The following PCDHGA5 variants were observed in gnomAD, a reference collection of about 807,000 sequenced individuals.
PCDHGA5 encodes protocadherin gamma subfamily A, 5.
PCDHGA5 carries 36 observed loss-of-function variants against 56.7 expected under a neutral mutation model. The observed-to-expected ratio is 0.64, with a 90% CI of 0.49 to 0.84. PCDHGA5 has a LOEUF of 0.84. Ranked by LOEUF, PCDHGA5 falls within the 40% of genes least tolerant of loss-of-function variation. The pLI is 0.00. For synonymous variants in PCDHGA5, 563 were observed against 520.2 expected, an observed-to-expected ratio of 1.08 and a Z score of -1.12; for missense variants, 1,305 against 1,201.5, an observed-to-expected ratio of 1.09 and a Z score of -1.27.
chr5:141,401,770 T>C (rs975272408), intron 1 of PCDHGA5, among the ~76,000 whole-genome samples: 2 of 152,202 alleles, frequency 1.3e-5, no homozygotes, highest in African/African-American at 4.8e-5. Context: ...TATAAGTCTT[T>C]TGCTTGGTTT....
intron 1 of PCDHGA5, chr5:141,411,753 A>G (rs1006054735): frequency 6.5e-5 from 10 of 152,756 alleles, no homozygotes; most frequent in African/African-American, 2.4e-4. Context: ...GTGGTGGCAC[A>G]TGCCTGTGGT....
In PCDHGA5 at chr5:141,487,568, C is replaced by T. The variant is rs752378906; in HGVS notation, c.2422-7239C>T. Reference sequence around the variant, plus strand: ...ACCCAGTGCACCTATGGCAGGGGAGCCTGTTCGCCCAAGCTGCCCACCCTC... The same window carrying T: ...ACCCAGTGCACCTATGGCAGGGGAGTCTGTTCGCCCAAGCTGCCCACCCTC... On this transcript the variant is annotated intron_variant, in intron 1 of 3. Transcript: ENST00000518069. This position sits in a 1 kb window ranked among gnomAD's most constrained non-coding sequence, Gnocchi z 5.0. The T allele has an allele frequency of 1.2e-6, 2 of 1,614,180 alleles. No individual in the cohort carries two copies. The highest frequency in any genetic ancestry group is 1.7e-6 in the Non-Finnish European group (2 of 1,180,042).
At chr5:141,444,152 A>ATTTTTTTTTTTT (rs747671382) in intron 1 of PCDHGA5, among the ~76,000 whole-genome samples, 4 of 33,898 alleles carry the variant, frequency 1.2e-4, no homozygotes, top group Admixed American at 3.9e-4. Flanking sequence ...TGTGTACTGG[A>ATTTTTTTTTTTT]TTTTTTTTTT....
At position 141,448,827 on chromosome 5, in the gene PCDHGA5, C is replaced by T. The variant is rs540550537; in HGVS notation, c.2422-45980C>T. ...AGGCGTGATGGCGGGCGCCTGTAGT[C>T]CCAGCTACTCTGGAGGCTGAGGCAG... On this transcript the variant is annotated intron_variant, in intron 1 of 3. Transcript: ENST00000518069. Among the ~76,000 whole-genome samples the T allele has an allele frequency of 1.6e-4, 25 of 152,108 alleles. No homozygotes were observed. In the South Asian group the frequency reaches 4.2e-3, roughly 25 times the overall value.
At chr5:141,390,019 G>GCCTGCGAC (rs1380063948) in intron 1 of PCDHGA5, 1 of 1,614,002 alleles carries the variant, frequency 6.2e-7, no homozygotes. Context: ...ATTGCCTTGC[G>GCCTGCGAC]CCTGCGACGC....
chr5:141,438,681 G>T (rs2098050580), intron 1 of PCDHGA5, among the ~76,000 whole-genome samples: 1 of 142,154 alleles, frequency 7.0e-6, no homozygotes, highest in South Asian at 2.3e-4. Context: ...TGGAGTAGGG[G>T]ATGGAGTCTT....
chr5:141,409,751 C>G lies in PCDHGA5; in HGVS notation c.2421+43000C>G, dbSNP rs774810318. The G allele has an allele frequency of 1.5e-5, 25 of 1,613,000 alleles. No homozygotes were observed. In the Admixed American group the frequency reaches 4.0e-4, roughly 26 times the overall value. The stretch of plus-strand genomic sequence containing the variant: ...CGCGCAGAGCGGGGTGGTGTTCGCG[C>G]AGCGCGCCTTTGATCACGAGCAGCT... On this transcript the variant is annotated intron_variant, in intron 1 of 3. Coordinates refer to ENST00000518069, the MANE Select transcript of PCDHGA5 (RefSeq NM_018918.3).
chr5:141,384,557 T>C (rs2150262452), intron 1 of PCDHGA5: 2 of 1,614,252 alleles, frequency 1.2e-6, no homozygotes, highest in Middle Eastern at 3.3e-4. Flanking sequence ...CTGTTCGTGC[T>C]GGACCAGAAT....
intron 2 of PCDHGA5, among the ~76,000 whole-genome samples, chr5:141,503,797 G>A (rs2099831309): frequency 6.6e-6 from 1 of 152,006 alleles, no homozygotes; most frequent in South Asian, 2.1e-4. Context: ...ATCTACTTAG[G>A]GACGGGGAAT....
intron 1 of PCDHGA5, among the ~76,000 whole-genome samples, chr5:141,451,001 A>AT (rs1164946963): frequency 2.0e-5 from 3 of 148,376 alleles, no homozygotes; most frequent in South Asian, 2.1e-4. Context: ...ATTTTTTTGT[A>AT]TTTTTTTTAG....
chr5:141,399,850 C>T (rs768366007), intron 1 of PCDHGA5: 1 of 1,612,946 alleles, frequency 6.2e-7, no homozygotes, highest in Non-Finnish European at 8.5e-7. Flanking sequence ...CGATATGGTG[C>T]CGCGCGCTGC....
intron 1 of PCDHGA5, chr5:141,389,169 C>G: frequency 6.2e-7 from 1 of 1,614,028 alleles, no homozygotes; most frequent in African/African-American, 1.3e-5. Flanking sequence ...GGGCAAGCCT[C>G]CCCTCTCCTC....
chr5:141,451,528 G>C (rs1451101169), intron 1 of PCDHGA5, among the ~76,000 whole-genome samples: 8 of 152,210 alleles, frequency 5.3e-5, no homozygotes. Flanking sequence ...AAGTAAAGGA[G>C]AGTGCCAGAG....
intron 1 of PCDHGA5, chr5:141,378,290 C>G (rs544518611): frequency 6.6e-6 from 1 of 152,232 alleles, no homozygotes; most frequent in Non-Finnish European, 1.5e-5. Flanking sequence ...TTTGGGAGGC[C>G]AAGGCAGGCA....
chr5:141,365,534 T>C lies in PCDHGA5; in HGVS notation c.1204T>C (p.Tyr402His), dbSNP rs761287174. 1 of 1,613,758 alleles carries C rather than the reference T, an allele frequency of 6.2e-7. No homozygotes were observed. The highest frequency in any genetic ancestry group is 8.5e-7 in the Non-Finnish European group (1 of 1,179,900). Reference protein sequence around the residue: ...FKLEKSVDNYYHLLTTRDLDR... With the variant: ...FKLEKSVDNYHHLLTTRDLDR... ...ATTGGAGAAGTCAGTTGATAATTAC[T>C]ATCACCTATTAACAACTAGGGACCT... The change falls in exon 1 of 4, where the codon TAT becomes CAT. Residue 402 changes from tyrosine to histidine, a missense_variant. Transcript: ENST00000518069.
Position 141,481,556 on chromosome 5 carries a change from G to A in PCDHGA5, c.2422-13251G>A, listed in dbSNP as rs553126587. Among the ~76,000 whole-genome samples the A allele has an allele frequency of 1.2e-4, 18 of 152,266 alleles. No homozygotes were observed. The South Asian group carries it at 1.4e-3, about 12-fold the overall frequency. On this transcript the variant is annotated intron_variant, in intron 1 of 3. Coordinates refer to ENST00000518069, the MANE Select transcript of PCDHGA5 (RefSeq NM_018918.3). ...GATGGGGCTGGGCTCAGTGGCTCAC[G>A]CCTGTAATCCCAGTACTTAGGGAGG...
chr5:141,389,248 A>G (rs757462176), intron 1 of PCDHGA5: 45 of 1,613,918 alleles, frequency 2.8e-5, no homozygotes, highest in African/African-American at 6.7e-5. Flanking sequence ...CAGTCTTCCT[A>G]TATAGTCCAC....
chr5:141,395,131 C>A, intron 1 of PCDHGA5: 12 of 1,614,202 alleles, frequency 7.4e-6, no homozygotes, highest in Non-Finnish European at 1.0e-5. Context: ...TTTCCCCAGC[C>A]CAACTACGCA....
rs750804901 is a variant in PCDHGA5, at chr5:141,476,422, C to T, written c.2422-18385C>T. ...GAGAGGAGCTGTGTGGGACACTGCC[C>T]TCTTGCACTGTAACTCTGGAGTTGG... On this transcript the variant is annotated intron_variant, in intron 1 of 3. Transcript: ENST00000518069. The surrounding 1 kb of genome is among the most constrained non-coding windows in gnomAD (Gnocchi z 7.6). The T allele has an allele frequency of 1.7e-5, 28 of 1,614,026 alleles. No homozygotes were observed. Among genetic ancestry groups the T allele is most frequent in the East Asian group, 2.2e-5 (1 of 44,860 alleles).
Sources: allele counts gnomAD v4.1 joint callset (sites outside exome capture counted in the v4.1 genomes callset), GRCh38; gene constraint gnomAD v4.1.1; non-coding constraint Gnocchi (gnomAD v3.1); transcripts MANE v1.5; gene names NCBI Gene and HGNC (gene_info 2026-07-23, HGNC 2026-07-21).